Variants in PDE4D observed in about 807,000 individuals in gnomAD.
The protein encoded by PDE4D is phosphodiesterase 4D, also known as 3',5'-cyclic-AMP phosphodiesterase 4D.
Under a neutral mutation model 87.4 loss-of-function variants are expected in PDE4D, and 24 were observed. That is an observed-to-expected ratio of 0.27 (90% CI 0.20 to 0.39). PDE4D has a LOEUF of 0.39. PDE4D is among the 10% of genes least tolerant of loss of function. The pLI is 1.00. For synonymous variants in PDE4D, 384 were observed against 383.2 expected, an observed-to-expected ratio of 1.00 and a Z score of -0.02; for missense variants, 714 against 1,041.0, an observed-to-expected ratio of 0.69 and a Z score of 4.32.
chr5:59,516,118 G>C (rs979433241), intron 1 of PDE4D, among the ~76,000 whole-genome samples: 1 of 152,110 alleles, frequency 6.6e-6, no homozygotes, highest in Non-Finnish European at 1.5e-5. Context: ...GACATTACTA[G>C]ATGTAAAATA....
intron 3 of PDE4D, among the ~76,000 whole-genome samples, chr5:59,902,591 T>C (rs1279081891): frequency 1.3e-5 from 2 of 152,146 alleles, no homozygotes; most frequent in Non-Finnish European, 2.9e-5. Context: ...ATTGATAATA[T>C]TGCAGTTCAT....
At chr5:59,049,261 G>A (rs1761176549) in intron 5 of PDE4D, among the ~76,000 whole-genome samples, 1 of 152,134 alleles carries the variant, frequency 6.6e-6, no homozygotes, top group South Asian at 2.1e-4. Context: ...GCAAATATTT[G>A]TGAGTGAATA....
chr5:60,050,361 G>C (rs1769972560), intron 2 of PDE4D, among the ~76,000 whole-genome samples: 2 of 152,054 alleles, frequency 1.3e-5, no homozygotes, highest in Admixed American at 6.5e-5. Flanking sequence ...GACCAGAGCT[G>C]TTCCTATTCG....
chr5:59,738,879 A>G (rs1758455192), intron 1 of PDE4D, among the ~76,000 whole-genome samples: 1 of 152,108 alleles, frequency 6.6e-6, no homozygotes, highest in Admixed American at 6.6e-5. Flanking sequence ...AGCTTTACAC[A>G]AATTTTTATC....
chr5:59,379,964 G>A (rs961282081), intron 1 of PDE4D, among the ~76,000 whole-genome samples: 41 of 152,122 alleles, frequency 2.7e-4, no homozygotes, highest in African/African-American at 9.9e-4. Flanking sequence ...AGTAGGTAGA[G>A]TTTCCTCCCT....
intron 5 of PDE4D, among the ~76,000 whole-genome samples, chr5:59,079,681 A>ATAC (rs1766333592): frequency 6.6e-6 from 1 of 151,112 alleles, no homozygotes; most frequent in African/African-American, 2.4e-5. Flanking sequence ...AATAATAATA[A>ATAC]TAATAATAAT....
rs759617045 is a variant in PDE4D, at chr5:58,974,815, G to C, written c.2279C>G (p.Thr760Ser). The C allele has an allele frequency of 1.9e-6, 3 of 1,613,632 alleles. No homozygotes were observed. The highest frequency in any genetic ancestry group is 2.2e-5 in the South Asian group (2 of 91,050). ...AAGAGTCTTGGAGTCACTGCAGCTA[G>C]TGTCTTCTTCCACTTGACTGCCACT... ...KDSGSQVEEDTSCSDSKTLCT... is the reference protein window; with the variant it reads ...KDSGSQVEEDSSCSDSKTLCT... The change falls in exon 15 of 15, where the codon ACT becomes AGT. Residue 760 changes from threonine to serine, a missense_variant. Thr to Ser is a moderately conservative substitution (Grantham distance 58). Transcript: ENST00000340635.
chr5:60,359,337 G>T (rs955913559), intron 1 of PDE4D, among the ~76,000 whole-genome samples: 1 of 152,214 alleles, frequency 6.6e-6, no homozygotes, highest in Non-Finnish European at 1.5e-5. Context: ...GAGCCCCGGA[G>T]GTAGAGGCTA....
At chr5:60,153,869 G>T (rs1192898551) in intron 2 of PDE4D, among the ~76,000 whole-genome samples, 1 of 152,170 alleles carries the variant, frequency 6.6e-6, no homozygotes, top group Non-Finnish European at 1.5e-5. Context: ...AGGGGGAAAT[G>T]AGGGATTGCT....
chr5:59,942,876 C>T (rs1386695704), intron 3 of PDE4D, among the ~76,000 whole-genome samples: 2 of 150,828 alleles, frequency 1.3e-5, no homozygotes, highest in African/African-American at 4.9e-5. Flanking sequence ...GGCATCTTTC[C>T]AGGAGATATT....
chr5:59,698,323 T>G (rs1752080389), intron 1 of PDE4D, among the ~76,000 whole-genome samples: 1 of 152,076 alleles, frequency 6.6e-6, no homozygotes, highest in South Asian at 2.1e-4. Context: ...AATGGCCCTG[T>G]TCCCACTTAA....
chr5:59,203,380 T>C (rs187605154), intron 2 of PDE4D, among the ~76,000 whole-genome samples: 190 of 152,224 alleles, frequency 1.2e-3, no homozygotes, highest in Non-Finnish European at 2.2e-3. Flanking sequence ...CTTTTTACAC[T>C]GTTGGTGGGA....
chr5:59,985,131 G>T (rs113701197), intron 3 of PDE4D, among the ~76,000 whole-genome samples: 61,198 of 109,180 alleles, frequency 0.56, 20,437 homozygotes, highest in East Asian at 0.75. Flanking sequence ...TTCGTTTTTT[G>T]TTTTTTGTTT....
At chr5:59,190,851 G>A (rs182766295) in intron 3 of PDE4D, among the ~76,000 whole-genome samples, 14 of 152,066 alleles carry the variant, frequency 9.2e-5, no homozygotes, top group Middle Eastern at 6.8e-3. Context: ...GTTTTGTTTT[G>A]TTTTTAATTC....
Position 59,636,679 on chromosome 5 carries a change from G to C in PDE4D, c.455+256489C>G, listed in dbSNP as rs549890220. Among the ~76,000 whole-genome samples, 4 of 152,268 alleles carry C rather than the reference G, an allele frequency of 2.6e-5. No individual in the cohort carries two copies. The East Asian group carries it at 7.7e-4, about 29-fold the overall frequency. On this transcript the variant is annotated intron_variant, in intron 1 of 14. Coordinates refer to ENST00000340635, the MANE Select transcript of PDE4D (RefSeq NM_001104631.2). ...ATGGATTCCCTATTTAATAAATGCT[G>C]TTGGGAAAACTGGCTAGCCATATGC...
chr5:59,770,783 C>T (rs1010701994), intron 1 of PDE4D, among the ~76,000 whole-genome samples: 2 of 152,034 alleles, frequency 1.3e-5, no homozygotes, highest in East Asian at 1.9e-4. Context: ...ATTCAACAAA[C>T]ATTTATGGGC....
At chr5:60,017,629 A>AT (rs957871759) in intron 2 of PDE4D, among the ~76,000 whole-genome samples, 3 of 152,036 alleles carry the variant, frequency 2.0e-5, no homozygotes, top group African/African-American at 7.2e-5. Flanking sequence ...ATATAATCTC[A>AT]TTTTTTTTAT....
intron 1 of PDE4D, among the ~76,000 whole-genome samples, chr5:59,721,528 C>T (rs898389590): frequency 7.2e-5 from 11 of 152,080 alleles, no homozygotes; most frequent in African/African-American, 2.2e-4. Context: ...GAGGTAGATG[C>T]TAGTATTGTC....
intron 1 of PDE4D, among the ~76,000 whole-genome samples, chr5:60,270,240 T>C (rs1009986927): frequency 6.6e-6 from 1 of 152,158 alleles, no homozygotes; most frequent in African/African-American, 2.4e-5. Context: ...CTTTTTATCA[T>C]AACAAAACAT....
Sources: gnomAD v4.1 joint callset for allele counts (sites outside exome capture counted in the v4.1 genomes callset) on GRCh38, gnomAD v4.1.1 for gene constraint, MANE v1.5 for transcripts, NCBI Gene and HGNC (gene_info 2026-07-23, HGNC 2026-07-21) for gene names.